The following PLEKHG1 variants were observed in gnomAD, a reference collection of about 807,000 sequenced individuals.
The protein encoded by PLEKHG1 is pleckstrin homology and RhoGEF domain containing G1, also known as pleckstrin homology domain-containing family G member 1.
In PLEKHG1, 44 loss-of-function variants were observed where a neutral mutation model predicts 100.8. That is an observed-to-expected ratio of 0.44 (90% CI 0.34 to 0.56). The LOEUF (loss-of-function observed/expected upper bound fraction) is 0.56, where lower values mean the gene tolerates loss of function less well. Among genes scored for constraint, PLEKHG1 ranks in the 20% least tolerant of loss-of-function variants. PLEKHG1 has a pLI of 0.01. For missense variants in PLEKHG1, 1,545 were observed against 1,720.9 expected, an observed-to-expected ratio of 0.90 and a Z score of 1.81; for synonymous variants, 640 against 662.5, an observed-to-expected ratio of 0.97 and a Z score of 0.52.
At chr6:150,688,462 A>C (rs1371653696) in intron 3 of PLEKHG1, among the ~76,000 whole-genome samples, 1 of 152,108 alleles carries the variant, frequency 6.6e-6, no homozygotes, top group Non-Finnish European at 1.5e-5. Flanking sequence ...CTGAGATTAC[A>C]GGCATGCTCC....
intron 1 of PLEKHG1, among the ~76,000 whole-genome samples, chr6:150,607,983 C>T (rs547373447): frequency 6.6e-6 from 1 of 152,218 alleles, no homozygotes; most frequent in Admixed American, 6.5e-5. Flanking sequence ...AATGCTATTT[C>T]CCCCTTTGAC....
At chr6:150,636,609 C>A (rs62434107) in intron 1 of PLEKHG1, among the ~76,000 whole-genome samples, 3,838 of 152,046 alleles carry the variant, frequency 0.025, 66 homozygotes, top group Admixed American at 0.053. Flanking sequence ...TTTGTTTATA[C>A]CCTTGCTTTC....
intron 2 of PLEKHG1, among the ~76,000 whole-genome samples, chr6:150,765,321 C>T (rs9478135): frequency 0.36 from 55,142 of 151,604 alleles, 12,301 homozygotes; most frequent in African/African-American, 0.61. Flanking sequence ...GGTGAAACCC[C>T]GTCTCTGCTA....
chr6:150,783,643 T>G (rs966985528), intron 3 of PLEKHG1, among the ~76,000 whole-genome samples: 1 of 152,208 alleles, frequency 6.6e-6, no homozygotes, highest in Non-Finnish European at 1.5e-5. Context: ...GTGCTGGGAT[T>G]ATAGGCATGA....
chr6:150,772,929 C>CA (rs1263596925), intron 3 of PLEKHG1, among the ~76,000 whole-genome samples: 1 of 152,132 alleles, frequency 6.6e-6, no homozygotes, highest in African/African-American at 2.4e-5. Context: ...GTGATCTTTG[C>CA]AGATTATGTG....
intron 7 of PLEKHG1, among the ~76,000 whole-genome samples, chr6:150,807,470 G>T (rs1442838775): frequency 2.0e-5 from 3 of 151,970 alleles, no homozygotes; most frequent in East Asian, 1.9e-4. Context: ...TTGTCTTGTG[G>T]GTTCCTTAAT....
intron 3 of PLEKHG1, among the ~76,000 whole-genome samples, chr6:150,691,261 G>T (rs1161349066): frequency 6.6e-6 from 1 of 151,948 alleles, no homozygotes; most frequent in African/African-American, 2.4e-5. Flanking sequence ...CTTCCAACCT[G>T]GTCATGAAAT....
intron 3 of PLEKHG1, among the ~76,000 whole-genome samples, chr6:150,666,685 T>C (rs368548680): frequency 8.6e-4 from 131 of 152,252 alleles, no homozygotes; most frequent in African/African-American, 3.0e-3. Context: ...AGCAAGTTCA[T>C]GTCAGAGACT....
chr6:150,784,439 G>A (rs1022829140), intron 3 of PLEKHG1, among the ~76,000 whole-genome samples: 5 of 152,166 alleles, frequency 3.3e-5, no homozygotes, highest in African/African-American at 4.8e-5. Flanking sequence ...AGCCAAGTGC[G>A]AAGGGAGAAC....
intron 3 of PLEKHG1, chr6:150,662,311 C>G (rs1338900434): frequency 6.6e-6 from 1 of 152,176 alleles, no homozygotes; most frequent in Admixed American, 6.6e-5. Context: ...TTAAGCAGGG[C>G]TAGGAACCAT....
At chr6:150,602,580 C>A (rs531904160) in intron 1 of PLEKHG1, among the ~76,000 whole-genome samples, 169 of 152,280 alleles carry the variant, frequency 1.1e-3, no homozygotes, top group Non-Finnish European at 1.8e-3. Context: ...ACCTTTCCTC[C>A]TTTCTTCTCC....
chr6:150,695,920 C>T (rs1002569040), intron 3 of PLEKHG1, among the ~76,000 whole-genome samples: 3 of 152,118 alleles, frequency 2.0e-5, no homozygotes, highest in Admixed American at 6.5e-5. Flanking sequence ...AAGTCATACT[C>T]GTCAGGAAGA....
At chr6:150,661,640 T>C (rs1205662728) in intron 3 of PLEKHG1, among the ~76,000 whole-genome samples, 1 of 152,218 alleles carries the variant, frequency 6.6e-6, no homozygotes, top group Non-Finnish European at 1.5e-5. Context: ...AGAAAAACCA[T>C]GTTCTGGAGT....
chr6:150,821,690 T>A (rs1776309589), intron 13 of PLEKHG1, among the ~76,000 whole-genome samples: 1 of 151,602 alleles, frequency 6.6e-6, no homozygotes. Flanking sequence ...TCACAAAAAA[T>A]AATAATAATA....
intron 3 of PLEKHG1, among the ~76,000 whole-genome samples, chr6:150,700,248 C>G (rs921732487): frequency 2.6e-5 from 4 of 152,182 alleles, no homozygotes; most frequent in African/African-American, 9.7e-5. Flanking sequence ...CTGGAAGATG[C>G]ACAGTGAGGC....
At chr6:150,757,487 A>G (rs1245355890) in intron 2 of PLEKHG1, among the ~76,000 whole-genome samples, 1 of 152,226 alleles carries the variant, frequency 6.6e-6, no homozygotes, top group Non-Finnish European at 1.5e-5. Flanking sequence ...GTGTATTAAA[A>G]TGGCATGCAG....
chr6:150,831,000 A>G, exon 15 of PLEKHG1: 1 of 1,614,054 alleles, frequency 6.2e-7, no homozygotes, highest in Non-Finnish European at 8.5e-7. Context: ...AGAACTAGGG[A>G]ACTGCAGAAC....
At chr6:150,668,377 T>A (rs1291489753) in intron 3 of PLEKHG1, among the ~76,000 whole-genome samples, 1 of 152,248 alleles carries the variant, frequency 6.6e-6, no homozygotes, top group Non-Finnish European at 1.5e-5. Flanking sequence ...GAATGATGGT[T>A]TTCTTGGAGA....
chr6:150,661,038 G>C (rs1779168329), intron 3 of PLEKHG1, among the ~76,000 whole-genome samples: 2 of 152,168 alleles, frequency 1.3e-5, no homozygotes, highest in Admixed American at 1.3e-4. Flanking sequence ...TCAAGGAGGG[G>C]GAGTGAATAG....
Sources: gnomAD v4.1 joint callset for allele counts (sites outside exome capture counted in the v4.1 genomes callset) on GRCh38, gnomAD v4.1.1 for gene constraint, MANE v1.5 for transcripts, NCBI Gene and HGNC (gene_info 2026-07-23, HGNC 2026-07-21) for gene names.